The following TUSC3 variants were observed in gnomAD, a reference collection of about 807,000 sequenced individuals.
TUSC3 encodes the protein dolichyl-diphosphooligosaccharide--protein glycosyltransferase subunit TUSC3.
Under a neutral mutation model 44.8 loss-of-function variants are expected in TUSC3, and 45 were observed. The observed-to-expected ratio is 1.00, with a 90% CI of 0.79 to 1.29. The LOEUF (loss-of-function observed/expected upper bound fraction) is 1.29, where lower values mean the gene tolerates loss of function less well. Ranked by LOEUF, TUSC3 falls within the 50% of genes most tolerant of loss-of-function variation. TUSC3 has a pLI of 0.00. For synonymous variants in TUSC3, 212 were observed against 152.9 expected, an observed-to-expected ratio of 1.39 and a Z score of -2.85; for missense variants, 519 against 437.9, an observed-to-expected ratio of 1.19 and a Z score of -1.65.
chr8:15,770,012 T>C (rs1331485158), downstream of TUSC3, among the ~76,000 whole-genome samples: 1 of 152,210 alleles, frequency 6.6e-6, no homozygotes, highest in Non-Finnish European at 1.5e-5. Context: ...TGGTGATTCC[T>C]CAAGGTTCTA....
intron 1 of TUSC3, among the ~76,000 whole-genome samples, chr8:15,607,079 G>A: frequency 6.6e-6 from 1 of 152,028 alleles, no homozygotes; most frequent in East Asian, 1.9e-4. Context: ...TTTACCCTGT[G>A]CTGTTCTCTC....
the TUSC3 span, among the ~76,000 whole-genome samples, chr8:15,776,619 A>G: frequency 1.2e-4 from 19 of 152,234 alleles, no homozygotes; most frequent in African/African-American, 4.1e-4. Context: ...TCTGTGCTAG[A>G]TCCTCGAATC....
At chr8:15,519,068 G>C (rs561342102) in intron 2 of TUSC3, among the ~76,000 whole-genome samples, 84 of 152,176 alleles carry the variant, frequency 5.5e-4, no homozygotes, top group African/African-American at 2.0e-3. Flanking sequence ...CCTGGATTTT[G>C]GCTCATTGAT....
intron 1 of TUSC3, among the ~76,000 whole-genome samples, chr8:15,470,105 C>CAA (rs58643782): frequency 2.0e-4 from 29 of 143,046 alleles, no homozygotes; most frequent in South Asian, 6.6e-4. Flanking sequence ...AAAAAATTAA[C>CAA]AAAAAAAAAA....
intron 2 of TUSC3, among the ~76,000 whole-genome samples, chr8:15,647,976 G>A (rs1806705825): frequency 6.6e-5 from 10 of 152,072 alleles, no homozygotes; most frequent in Admixed American, 6.6e-4. Context: ...ATCTCTCCAG[G>A]TTGTTCTTTT....
the TUSC3 span, among the ~76,000 whole-genome samples, chr8:15,833,373 A>G: frequency 2.0e-5 from 3 of 152,342 alleles, no homozygotes; most frequent in East Asian, 5.8e-4. Context: ...TACCAAAAGG[A>G]ATATAAATCA....
At chr8:15,577,172 T>C (rs1365598999) in intron 1 of TUSC3, among the ~76,000 whole-genome samples, 1 of 150,262 alleles carries the variant, frequency 6.7e-6, no homozygotes, top group Non-Finnish European at 1.5e-5. Flanking sequence ...TGTTTTTTTC[T>C]TGTAAATTTG....
intron 1 of TUSC3, among the ~76,000 whole-genome samples, chr8:15,475,459 C>T (rs1007453106): frequency 6.6e-6 from 1 of 152,144 alleles, no homozygotes; most frequent in African/African-American, 2.4e-5. Flanking sequence ...TCCCATCTTT[C>T]AGTTTTCTGT....
intron 2 of TUSC3, among the ~76,000 whole-genome samples, chr8:15,627,390 A>C (rs2129166439): frequency 6.6e-6 from 1 of 152,180 alleles, no homozygotes; most frequent in East Asian, 1.9e-4. Context: ...TGCTCACTAA[A>C]GCTCCTCTTT....
intron 7 of TUSC3, among the ~76,000 whole-genome samples, chr8:15,741,776 T>C (rs1029409444): frequency 5.3e-5 from 8 of 152,160 alleles, no homozygotes; most frequent in African/African-American, 1.9e-4. Flanking sequence ...TATTTAAATG[T>C]GTAGATAAAA....
chr8:15,709,216 C>T (rs970888467), intron 6 of TUSC3, among the ~76,000 whole-genome samples: 3 of 151,874 alleles, frequency 2.0e-5, no homozygotes, highest in Admixed American at 6.6e-5. Context: ...GTATTCACTG[C>T]ACAAATAATT....
intron 1 of TUSC3, among the ~76,000 whole-genome samples, chr8:15,438,032 G>A (rs956528619): frequency 5.3e-5 from 8 of 152,168 alleles, no homozygotes; most frequent in African/African-American, 1.7e-4. Context: ...AAATATTTCT[G>A]AATATCAGTT....
At chr8:15,456,050 A>T (rs775422354) in intron 1 of TUSC3, among the ~76,000 whole-genome samples, 1 of 152,154 alleles carries the variant, frequency 6.6e-6, no homozygotes, top group South Asian at 2.1e-4. Context: ...GAATAATTCA[A>T]TGTGTAGGAG....
rs186189560 is a variant in TUSC3 at position 15,490,311 on chromosome 8, G to A, written n.189+6828G>A. 1.9e-3 allele frequency among the ~76,000 whole-genome samples: 288 copies of A among 152,280 alleles called. 2 individuals carry two copies. The highest frequency in any genetic ancestry group is 6.2e-3 in the African/African-American group (257 of 41,560). On this transcript the variant is annotated intron_variant and non_coding_transcript_variant, in intron 2 of 5. Transcript: ENST00000503191. Reference sequence around the variant, plus strand: ...CCAAATGCAGGTGGAATTCTGGCAGGATTGTCTTTTGGGAGCTGAGTCTAA... The same window carrying A: ...CCAAATGCAGGTGGAATTCTGGCAGAATTGTCTTTTGGGAGCTGAGTCTAA...
chr8:15,624,563 T>C (rs1023727636), intron 2 of TUSC3, among the ~76,000 whole-genome samples: 2 of 152,240 alleles, frequency 1.3e-5, no homozygotes, highest in African/African-American at 4.8e-5. Flanking sequence ...TGACTAATTG[T>C]GTTGAACATC....
At chr8:15,624,705 G>A (rs530505154) in intron 2 of TUSC3, among the ~76,000 whole-genome samples, 16 of 152,038 alleles carry the variant, frequency 1.1e-4, no homozygotes, top group African/African-American at 1.4e-4. Context: ...CTAGTCCTTC[G>A]TCAGATACTT....
chr8:15,549,571 T>A (rs1189313619), intron 1 of TUSC3, among the ~76,000 whole-genome samples: 1 of 151,728 alleles, frequency 6.6e-6, no homozygotes, highest in Non-Finnish European at 1.5e-5. Flanking sequence ...CATTTAACTT[T>A]TATTTTTAGA....
At chr8:15,433,280 A>T (rs763282139) in intron 1 of TUSC3, among the ~76,000 whole-genome samples, 16 of 152,140 alleles carry the variant, frequency 1.1e-4, no homozygotes, top group Non-Finnish European at 1.8e-4. Flanking sequence ...GTAGACTGGA[A>T]CATGGTCAGA....
chr8:15,530,212 A>G (rs1801432048), intron 2 of TUSC3, among the ~76,000 whole-genome samples: 1 of 151,974 alleles, frequency 6.6e-6, no homozygotes, highest in African/African-American at 2.4e-5. Flanking sequence ...ACAGTTTGAC[A>G]AGTCACTGAT....
Sources: allele counts gnomAD v4.1 joint callset (sites outside exome capture counted in the v4.1 genomes callset), GRCh38; gene constraint gnomAD v4.1.1; transcripts MANE v1.5; gene names NCBI Gene and HGNC (gene_info 2026-07-23, HGNC 2026-07-21).